The following HMCN1 variants were observed in gnomAD, a reference collection of about 807,000 sequenced individuals.
HMCN1 encodes the protein hemicentin-1.
HMCN1 carries 321 observed loss-of-function variants against 625.9 expected under a neutral mutation model. The ratio of observed to expected loss-of-function variants is 0.51; its 90% CI spans 0.47 to 0.56. The LOEUF is 0.56. Among genes scored for constraint, HMCN1 ranks in the 20% least tolerant of loss-of-function variants. The pLI, the probability that HMCN1 is intolerant of heterozygous loss-of-function variation, is 0.00. For synonymous variants in HMCN1, 2,425 were observed against 2,417.6 expected, an observed-to-expected ratio of 1.00 and a Z score of -0.09; for missense variants, 6,588 against 6,887.3, an observed-to-expected ratio of 0.96 and a Z score of 1.54.
At chr1:185,978,185 T>C (rs1028489364) in intron 16 of HMCN1, 9 of 528,872 alleles carry the variant, frequency 1.7e-5, no homozygotes, top group East Asian at 3.2e-5. Context: ...ATGTATGTCA[T>C]TAATTTATCA....
chr1:185,735,636 A>G (rs1413385242), intron 1 of HMCN1, among the ~76,000 whole-genome samples: 1 of 152,234 alleles, frequency 6.6e-6, no homozygotes, highest in Non-Finnish European at 1.5e-5. Flanking sequence ...ACAGATGGGT[A>G]TAAACATTAC....
chr1:186,087,707 T>C, intron 60 of HMCN1, 62 bp downstream of exon 60: 1 of 1,484,642 alleles, frequency 6.7e-7, no homozygotes, highest in Non-Finnish European at 9.4e-7. Context: ...AAAAGATGCT[T>C]GGAAGTTGCA....
rs555192969 is a variant in HMCN1 at position 186,145,719 on chromosome 1, T to C, written c.14438-34T>C. The C allele has an allele frequency of 2.0e-5, 32 of 1,611,282 alleles. No individual in the cohort carries two copies. The South Asian group carries it at 3.2e-4, about 16-fold the overall frequency. ...AGATTATGAAGATTTTGAAGCCAATTTCTTAACAGTGACCATTCCATTCTT... is the reference window on the plus strand; with the variant it reads ...AGATTATGAAGATTTTGAAGCCAATCTCTTAACAGTGACCATTCCATTCTT... On this transcript the variant is annotated intron_variant, in intron 92 of 106. Transcript: ENST00000271588.
At chr1:185,859,604 G>A (rs1237458169) in intron 2 of HMCN1, among the ~76,000 whole-genome samples, 1 of 151,992 alleles carries the variant, frequency 6.6e-6, no homozygotes, top group East Asian at 1.9e-4. Flanking sequence ...ATGAGGCCAG[G>A]TAGTGGCTAC....
At chr1:186,012,968 A>G (rs1654099317) in intron 30 of HMCN1, among the ~76,000 whole-genome samples, 1 of 151,976 alleles carries the variant, frequency 6.6e-6, no homozygotes, top group Non-Finnish European at 1.5e-5. Context: ...ATATTTCACC[A>G]TTTTTTTCTT....
intron 6 of HMCN1, among the ~76,000 whole-genome samples, chr1:185,918,103 C>T (rs1242416855): frequency 6.6e-6 from 1 of 152,116 alleles, no homozygotes; most frequent in Non-Finnish European, 1.5e-5. Context: ...AGAATTGGCT[C>T]ACACAATCTC....
intron 1 of HMCN1, among the ~76,000 whole-genome samples, chr1:185,779,733 T>G (rs1422901898): frequency 1.3e-5 from 2 of 152,256 alleles, no homozygotes; most frequent in Non-Finnish European, 2.9e-5. Flanking sequence ...AGTACCATGC[T>G]GTTTTGGTTA....
At chr1:186,104,059 G>A (rs1289313802) in intron 69 of HMCN1, among the ~76,000 whole-genome samples, 1 of 152,146 alleles carries the variant, frequency 6.6e-6, no homozygotes, top group African/African-American at 2.4e-5. Context: ...CGATATGGAA[G>A]TCTGAAGAGA....
At chr1:185,926,097 CTG>C (rs1667262827) in intron 9 of HMCN1, among the ~76,000 whole-genome samples, 1 of 152,166 alleles carries the variant, frequency 6.6e-6, no homozygotes, top group South Asian at 2.1e-4. Context: ...ACCTTGAAAA[CTG>C]GAGAAAAATA....
chr1:185,955,986 C>T (rs1216411072), intron 11 of HMCN1, among the ~76,000 whole-genome samples: 1 of 152,140 alleles, frequency 6.6e-6, no homozygotes, highest in Non-Finnish European at 1.5e-5. Flanking sequence ...TCATAAACCA[C>T]TGCCTTTCTG....
At chr1:185,949,214 G>A (rs1484166866) in intron 11 of HMCN1, among the ~76,000 whole-genome samples, 1 of 151,660 alleles carries the variant, frequency 6.6e-6, no homozygotes, top group Non-Finnish European at 1.5e-5. Flanking sequence ...AGTGTAAACC[G>A]GCAGTGTAAA....
chr1:185,759,498 C>T (rs751352772), intron 1 of HMCN1, among the ~76,000 whole-genome samples: 7 of 152,154 alleles, frequency 4.6e-5, no homozygotes, highest in Non-Finnish European at 8.8e-5. Flanking sequence ...TTTTGAGCAG[C>T]TATCCTTCAA....
intron 97 of HMCN1, among the ~76,000 whole-genome samples, chr1:186,160,152 AGT>A (rs1251505736): frequency 6.6e-6 from 1 of 150,768 alleles, no homozygotes; most frequent in Non-Finnish European, 1.5e-5. Context: ...GTCTTGGGAG[AGT>A]GTATGTGTCC....
At chr1:185,983,457 GTGAAT>G (rs919994022) in intron 18 of HMCN1, among the ~76,000 whole-genome samples, 2 of 152,110 alleles carry the variant, frequency 1.3e-5, no homozygotes, top group South Asian at 2.1e-4. Context: ...TTAAAAAAAA[GTGAAT>G]TGACTCCATC....
chr1:185,973,126 G>A (rs1558107477), intron 15 of HMCN1, among the ~76,000 whole-genome samples: 1 of 151,994 alleles, frequency 6.6e-6, no homozygotes, highest in Non-Finnish European at 1.5e-5. Flanking sequence ...TGATCTAAGT[G>A]GTACCTACCT....
intron 11 of HMCN1, among the ~76,000 whole-genome samples, chr1:185,936,870 G>C (rs770615902): frequency 1.3e-5 from 2 of 152,232 alleles, no homozygotes; most frequent in Non-Finnish European, 2.9e-5. Context: ...CTGCAGAGCT[G>C]AAAAGGGGGT....
intron 1 of HMCN1, among the ~76,000 whole-genome samples, chr1:185,772,242 C>T (rs1656292601): frequency 1.3e-5 from 2 of 151,944 alleles, no homozygotes; most frequent in South Asian, 4.1e-4. Flanking sequence ...TGATGAAGAA[C>T]CATAAAATAG....
At chr1:185,780,648 G>A (rs187492749) in intron 1 of HMCN1, among the ~76,000 whole-genome samples, 6,209 of 152,134 alleles carry the variant, frequency 0.041, 409 homozygotes, top group African/African-American at 0.14. Context: ...GCTGGATTAC[G>A]TTTATTTATT....
chr1:185,736,102 G>A (rs1653549197), intron 1 of HMCN1, among the ~76,000 whole-genome samples: 1 of 152,122 alleles, frequency 6.6e-6, no homozygotes, highest in Non-Finnish European at 1.5e-5. Flanking sequence ...AAGTATATAA[G>A]TTCAAATTAT....
Sources: gnomAD v4.1 joint callset for allele counts (sites outside exome capture counted in the v4.1 genomes callset) on GRCh38, gnomAD v4.1.1 for gene constraint, MANE v1.5 for transcripts, NCBI Gene and HGNC (gene_info 2026-07-23, HGNC 2026-07-21) for gene names.